The following PCDHGB2 variants were observed in gnomAD, a reference collection of about 807,000 sequenced individuals.
PCDHGB2 encodes protocadherin gamma subfamily B, 2, also known as protocadherin gamma-B2.
A neutral mutation model predicts 59.3 loss-of-function variants in PCDHGB2; 55 were observed. That is an observed-to-expected ratio of 0.93 (90% CI 0.75 to 1.16). PCDHGB2 has a LOEUF of 1.16. Among genes scored for constraint, PCDHGB2 ranks in the 50% most tolerant of loss-of-function variants. The pLI is 0.00. For missense variants in PCDHGB2, 1,228 were observed against 1,198.5 expected (o/e 1.02, Z -0.36); for synonymous variants, 516 against 512.0 (o/e 1.01, Z -0.11).
Position 141,384,146 on chromosome 5 carries a change from C to G in PCDHGB2, c.2421+21590C>G, listed in dbSNP as rs369384722. 2.5e-6 allele frequency: 4 copies of G among 1,613,166 alleles called. No homozygotes were observed. The East Asian group carries it at 6.7e-5, about 27-fold the overall frequency. Reference sequence around the variant, plus strand: ...AAAAACTTGGACCGGGAAACACTCTCTTTGTATAACATCACACTGAAAGCC... The same window carrying G: ...AAAAACTTGGACCGGGAAACACTCTGTTTGTATAACATCACACTGAAAGCC... On this transcript the variant is annotated intron_variant, in intron 1 of 3. Transcript: ENST00000522605.
At chr5:141,474,117 A>C (rs748431734) in intron 1 of PCDHGB2, among the ~76,000 whole-genome samples, 11 of 152,186 alleles carry the variant, frequency 7.2e-5, no homozygotes, top group Non-Finnish European at 1.2e-4. Context: ...ACAACAACGA[A>C]AATCTCAGAA....
intron 1 of PCDHGB2, among the ~76,000 whole-genome samples, chr5:141,444,408 T>G (rs1591815532): frequency 6.6e-6 from 1 of 152,124 alleles, no homozygotes; most frequent in East Asian, 1.9e-4. Context: ...CAACCTCAGG[T>G]GATCTTCCCT....
intron 1 of PCDHGB2, chr5:141,396,140 G>A (rs1199993001): frequency 2.0e-5 from 3 of 152,178 alleles, no homozygotes; most frequent in Non-Finnish European, 4.4e-5. Flanking sequence ...TTCTAAATAA[G>A]CTGATCAATT....
chr5:141,462,782 T>C (rs1397671639), intron 1 of PCDHGB2, among the ~76,000 whole-genome samples: 1 of 152,220 alleles, frequency 6.6e-6, no homozygotes, highest in Non-Finnish European at 1.5e-5. Flanking sequence ...TCATAATTTG[T>C]TGCTTATTTG....
At position 141,360,400 on chromosome 5, in the gene PCDHGB2, A is replaced by G. The variant is rs748670827; in HGVS notation, c.265A>G (p.Arg89Gly). Residue 89 changes from arginine to glycine, a missense_variant, in exon 1 of 4, where the codon AGA becomes GGA. Around this residue, in one of 3 missense-constraint regions of PCDHGB2, gnomAD observed 781 missense variants for 721.6 expected, o/e 1.08. Coordinates refer to ENST00000522605, the MANE Select transcript of PCDHGB2 (RefSeq NM_018923.3). ...AAGCGGAGACTTACTTGTGAGTGAC[A>G]GAATAGACCGAGAACAGATATGCGG... ...PESGDLLVSD[R>G]IDREQICGKQ... The G allele has an allele frequency of 3.7e-6, 6 of 1,613,978 alleles. No homozygotes were observed. Among genetic ancestry groups the G allele is most frequent in the Non-Finnish European group, 5.1e-6 (6 of 1,179,846 alleles).
At chr5:141,386,031 T>C (rs1010302626) in intron 1 of PCDHGB2, 2 of 152,232 alleles carry the variant, frequency 1.3e-5, no homozygotes, top group Non-Finnish European at 1.5e-5. Flanking sequence ...ATTTGTGACA[T>C]AGGCAATTAC....
intron 1 of PCDHGB2, among the ~76,000 whole-genome samples, chr5:141,481,950 T>C (rs1378337886): frequency 2.7e-5 from 4 of 146,216 alleles, no homozygotes; most frequent in Admixed American, 1.4e-4. Flanking sequence ...CCAGATGTGG[T>C]GGCAGGTGCC....
intron 1 of PCDHGB2, chr5:141,366,565 G>T: frequency 1.2e-6 from 2 of 1,614,252 alleles, no homozygotes; most frequent in Non-Finnish European, 1.7e-6. Context: ...GCGTGGATGG[G>T]GTTCGGGCTT....
intron 1 of PCDHGB2, chr5:141,389,228 G>A (rs1172706843): frequency 2.5e-6 from 4 of 1,614,024 alleles, no homozygotes; most frequent in African/African-American, 2.7e-5. Context: ...ACAACGCTCC[G>A]GTTTTCTCAC....
chr5:141,403,489 C>T (rs187216481), intron 1 of PCDHGB2: 2 of 1,614,050 alleles, frequency 1.2e-6, no homozygotes, highest in East Asian at 2.2e-5. Flanking sequence ...ACCACTTCTC[C>T]CTGAACGTGC....
chr5:141,406,257 C>T (rs1180988990), intron 1 of PCDHGB2, among the ~76,000 whole-genome samples: 1 of 151,898 alleles, frequency 6.6e-6, no homozygotes, highest in African/African-American at 2.4e-5. Context: ...TGGTCTCAAA[C>T]GATCTTCCTG....
chr5:141,365,231 A>G, intron 1 of PCDHGB2: 1 of 1,613,980 alleles, frequency 6.2e-7, no homozygotes, highest in Non-Finnish European at 8.5e-7. Flanking sequence ...CCTGGGGGAA[A>G]TCTCAACTCT....
At chr5:141,383,526 C>T in intron 1 of PCDHGB2, 1 of 1,612,534 alleles carries the variant, frequency 6.2e-7, no homozygotes, top group Non-Finnish European at 8.5e-7. Flanking sequence ...GGGTTCACCA[C>T]CTGGTCCTCA....
intron 1 of PCDHGB2, chr5:141,422,513 G>A (rs765955739): frequency 6.2e-7 from 1 of 1,614,000 alleles, no homozygotes. Context: ...ACAGACCAGG[G>A]AAGCCCGCCT....
intron 1 of PCDHGB2, chr5:141,389,622 G>A: frequency 6.2e-7 from 1 of 1,612,970 alleles, no homozygotes; most frequent in Non-Finnish European, 8.5e-7. Flanking sequence ...GCCGCACGCT[G>A]CAGAGCCTGG....
rs558074504 is a variant in PCDHGB2 at position 141,489,065 on chromosome 5, C to A, written c.2422-5742C>A. ...CCACTCAAATTCAGCTCCCCTCCCCCCTGCCCACCCCCGCCACTCGGTGAC... is the reference window on the plus strand; with the variant it reads ...CCACTCAAATTCAGCTCCCCTCCCCACTGCCCACCCCCGCCACTCGGTGAC... On this transcript the variant is annotated intron_variant, in intron 1 of 3. Transcript: ENST00000522605. The surrounding 1 kb of genome is among the most constrained non-coding windows in gnomAD (Gnocchi z 4.5). 1,377 of 389,040 alleles carry A rather than the reference C, an allele frequency of 3.5e-3. 31 individuals carry two copies. Among genetic ancestry groups the A allele is most frequent in the Admixed American group, 9.8e-3 (226 of 22,946 alleles). 24.1% of individuals were successfully genotyped at this position (389,040 alleles called of 1,614,324 possible).
intron 1 of PCDHGB2, chr5:141,414,071 A>C: frequency 6.2e-7 from 1 of 1,606,780 alleles, no homozygotes; most frequent in Non-Finnish European, 8.5e-7. Flanking sequence ...TTCCAACTAA[A>C]CAAATATACT....
At chr5:141,462,020 T>G (rs1371390043) in intron 1 of PCDHGB2, among the ~76,000 whole-genome samples, 6 of 152,110 alleles carry the variant, frequency 3.9e-5, no homozygotes, top group Non-Finnish European at 8.8e-5. Flanking sequence ...ACGGGGTTTC[T>G]TCATGTTGGT....
Position 141,490,397 on chromosome 5 carries a change from G to A in PCDHGB2, c.2422-4410G>A. 6.2e-7 allele frequency: 1 copy of A among 1,614,170 alleles called. No individual in the cohort carries two copies. Among genetic ancestry groups the A allele is most frequent in the South Asian group, 1.1e-5 (1 of 91,080 alleles). On this transcript the variant is annotated intron_variant, in intron 1 of 3. Coordinates refer to ENST00000522605, the MANE Select transcript of PCDHGB2 (RefSeq NM_018923.3). This position sits in a 1 kb window ranked among gnomAD's most constrained non-coding sequence, Gnocchi z 5.4. ...GACTCAGGTAGAAATGGTGAAGTGA[G>A]CCTTGATATCTCTCCGGACCTGCCA...
Sources: gnomAD v4.1 joint callset for allele counts (sites outside exome capture counted in the v4.1 genomes callset) on GRCh38, gnomAD v4.1.1 for gene constraint, gnomAD v4.1.1 regional missense constraint, Gnocchi (gnomAD v3.1) non-coding constraint, MANE v1.5 for transcripts, NCBI Gene and HGNC (gene_info 2026-07-23, HGNC 2026-07-21) for gene names.